ATXN7L1: variants seen among roughly 807,000 people sequenced by gnomAD.
ATXN7L1 encodes ataxin-7-like protein 1.
In ATXN7L1, 15 loss-of-function variants were observed where a neutral mutation model predicts 70.8. The ratio of observed to expected loss-of-function variants is 0.21; its 90% CI spans 0.14 to 0.33. The LOEUF (loss-of-function observed/expected upper bound fraction) is 0.33, where lower values mean the gene tolerates loss of function less well. ATXN7L1 is among the 10% of genes least tolerant of loss of function. ATXN7L1 has a pLI of 1.00. For missense variants in ATXN7L1, 975 were observed against 1,097.1 expected (o/e 0.89, Z 1.57); for synonymous variants, 440 against 445.1 (o/e 0.99, Z 0.14).
chr7:105,846,997 C>G (rs1421393709), intron 2 of ATXN7L1, among the ~76,000 whole-genome samples: 1 of 152,178 alleles, frequency 6.6e-6, no homozygotes, highest in Non-Finnish European at 1.5e-5. Context: ...TACAAGGTTT[C>G]TTTCGGGACT....
intron 4 of ATXN7L1, 108 bp from the exon 5 acceptor site, chr7:105,643,229 T>G: frequency 1.6e-6 from 2 of 1,264,074 alleles, no homozygotes; most frequent in Non-Finnish European, 1.1e-6. Context: ...ATCACTTATT[T>G]ATACTCCTTC....
intron 3 of ATXN7L1, among the ~76,000 whole-genome samples, chr7:105,691,311 C>T (rs568151418): frequency 2.0e-5 from 3 of 152,302 alleles, no homozygotes; most frequent in Admixed American, 2.0e-4. Flanking sequence ...GAAAACAACA[C>T]GTCCTAGGAC....
In ATXN7L1 at chr7:105,876,535, G is replaced by T. The variant is rs765746186; in HGVS notation, c.24C>A (p.Ile8=). 1 of 1,381,434 alleles carries T rather than the reference G, an allele frequency of 7.2e-7. No homozygotes were observed. Among genetic ancestry groups the T allele is most frequent in the Non-Finnish European group, 9.7e-7 (1 of 1,032,044 alleles). 85.6% of individuals were successfully genotyped at this position (1,381,434 alleles called of 1,614,324 possible). The change falls in exon 1 of 12, where the codon ATC becomes ATA. Residue 8 remains isoleucine, a synonymous_variant. Transcript: ENST00000419735. ...CGGCAGCAGCAGCCGAGAGACACGG[G>T]ATTCGAGAACGCTCCGACGTCATCT... MTSERSR[I]PCLSAAAAEG... is the part of the protein sequence containing the mutation.
chr7:105,728,989 C>T lies in ATXN7L1; in HGVS notation c.355+59615G>A, dbSNP rs141504165. Among the ~76,000 whole-genome samples, 369 of 152,192 alleles carry T rather than the reference C, an allele frequency of 2.4e-3. 1 individual carries two copies. Among genetic ancestry groups the T allele is most frequent in the South Asian group, 4.8e-3 (23 of 4,820 alleles). On this transcript the variant is annotated intron_variant, in intron 3 of 11. Transcript: ENST00000419735. ...TGATTGAATAAATAAATGGGCCACGCGTGGTAGCTCACACCTGTAATCCCA... is the reference window on the plus strand; with the variant it reads ...TGATTGAATAAATAAATGGGCCACGTGTGGTAGCTCACACCTGTAATCCCA...
intron 2 of ATXN7L1, among the ~76,000 whole-genome samples, chr7:105,839,016 C>T (rs190547736): frequency 1.8e-3 from 281 of 152,322 alleles, no homozygotes; most frequent in Non-Finnish European, 2.2e-3. Flanking sequence ...CTGAAGAACT[C>T]GGGACTGCCC....
At chr7:105,739,448 T>A (rs1028913763) in intron 3 of ATXN7L1, among the ~76,000 whole-genome samples, 1 of 152,040 alleles carries the variant, frequency 6.6e-6, no homozygotes, top group African/African-American at 2.4e-5. Context: ...GCTTAGTTGG[T>A]TTGGGGTGGG....
chr7:105,619,520 ATATATATATATTTTTTTTTTTTTTTTTTT>A (rs1287042298), intron 9 of ATXN7L1, among the ~76,000 whole-genome samples: 10 of 19,060 alleles, frequency 5.2e-4, no homozygotes, highest in African/African-American at 1.8e-3. Flanking sequence ...ATATATATAT[ATATATATATATTTTTTTTTTTTTTTTTTT>A]TTTTTTTTTT....
intron 2 of ATXN7L1, among the ~76,000 whole-genome samples, chr7:105,849,687 C>T (rs1228964962): frequency 6.6e-6 from 1 of 152,200 alleles, no homozygotes; most frequent in Non-Finnish European, 1.5e-5. Flanking sequence ...ACCAGGGGCC[C>T]TGAGGTCACT....
intron 2 of ATXN7L1, among the ~76,000 whole-genome samples, chr7:105,830,143 T>A (rs1234850808): frequency 6.6e-6 from 1 of 152,202 alleles, no homozygotes; most frequent in Non-Finnish European, 1.5e-5. Context: ...ACGACAAGTA[T>A]AGGAGGTAGA....
intron 2 of ATXN7L1, among the ~76,000 whole-genome samples, chr7:105,845,432 G>A (rs546206231): frequency 2.7e-5 from 4 of 150,902 alleles, no homozygotes; most frequent in Admixed American, 6.6e-5. Flanking sequence ...ATGTTCATGC[G>A]TTGGAAGACC....
intron 3 of ATXN7L1, among the ~76,000 whole-genome samples, chr7:105,673,962 T>C (rs534331817): frequency 6.6e-6 from 1 of 152,320 alleles, no homozygotes; most frequent in Admixed American, 6.5e-5. Context: ...AGTCAGGTGA[T>C]AGGACAGGCT....
rs1267984138 is a variant in ATXN7L1, at chr7:105,660,622, G to A, written c.578+4444C>T. ...TTTTGAGACAGAGTCTTGCTCTGTC[G>A]CCCAGGCTGGAGTGCAGTGGCGCAA... is the stretch of plus-strand genomic sequence containing the variant. On this transcript the variant is annotated intron_variant, in intron 4 of 11. Transcript: ENST00000419735. Among the ~76,000 whole-genome samples the A allele has an allele frequency of 7.9e-5, 9 of 113,512 alleles. 1 individual carries two copies. Among genetic ancestry groups the A allele is most frequent in the African/African-American group, 3.2e-4 (9 of 28,050 alleles). 74.5% of individuals were successfully genotyped at this position (113,512 alleles called of 152,430 possible). A position where few individuals can be genotyped will look rare whatever the true frequency, so the allele number is the denominator to read the frequency against.
chr7:105,622,925 T>A (rs1308214029), intron 8 of ATXN7L1, among the ~76,000 whole-genome samples: 1 of 152,198 alleles, frequency 6.6e-6, no homozygotes, highest in Non-Finnish European at 1.5e-5. Flanking sequence ...GCAGAGATTG[T>A]CCCTCGGCTC....
At chr7:105,776,405 T>C (rs1465229669) in intron 3 of ATXN7L1, among the ~76,000 whole-genome samples, 2 of 152,228 alleles carry the variant, frequency 1.3e-5, no homozygotes, top group East Asian at 1.9e-4. Context: ...TTATTCATAA[T>C]TGGTGAGCCA....
At chr7:105,626,654 C>T (rs751539248) in intron 7 of ATXN7L1, among the ~76,000 whole-genome samples, 5 of 152,160 alleles carry the variant, frequency 3.3e-5, no homozygotes, top group Non-Finnish European at 7.4e-5. Flanking sequence ...TCTCTCCCGA[C>T]GTTCCTCAAT....
intron 3 of ATXN7L1, among the ~76,000 whole-genome samples, chr7:105,785,214 C>A (rs753092580): frequency 9.2e-5 from 14 of 152,186 alleles, no homozygotes; most frequent in African/African-American, 1.4e-4. Context: ...GCCTGTAATC[C>A]CAGCACTTTG....
chr7:105,749,707 G>A (rs1022962989), intron 3 of ATXN7L1, among the ~76,000 whole-genome samples: 4 of 150,806 alleles, frequency 2.7e-5, no homozygotes, highest in African/African-American at 4.8e-5. Context: ...AAAGAAAGTA[G>A]TAGACAGCAT....
chr7:105,685,487 G>A (rs566305809), intron 3 of ATXN7L1, among the ~76,000 whole-genome samples: 1 of 152,298 alleles, frequency 6.6e-6, no homozygotes, highest in African/African-American at 2.4e-5. Context: ...CTTTGATAAT[G>A]AGATTCCTGA....
chr7:105,785,594 A>AG (rs1161759083), intron 3 of ATXN7L1, among the ~76,000 whole-genome samples: 1 of 91,404 alleles, frequency 1.1e-5, no homozygotes, highest in Non-Finnish European at 2.0e-5. Context: ...ACAAGGAAAG[A>AG]GAAAAAAAAA....
Sources: gnomAD v4.1 joint callset for allele counts (sites outside exome capture counted in the v4.1 genomes callset) on GRCh38, gnomAD v4.1.1 for gene constraint, MANE v1.5 for transcripts, NCBI Gene and HGNC (gene_info 2026-07-23, HGNC 2026-07-21) for gene names.